FSTL5: variants seen among roughly 807,000 people sequenced by gnomAD.
FSTL5 encodes the protein follistatin like 5.
In FSTL5, 62 loss-of-function variants were observed where a neutral mutation model predicts 89.1. The observed-to-expected ratio is 0.70, with a 90% CI of 0.57 to 0.86. The LOEUF (loss-of-function observed/expected upper bound fraction) is 0.86. Among genes scored for constraint, FSTL5 ranks in the 40% least tolerant of loss-of-function variants. The pLI is 0.00. For synonymous variants in FSTL5, 383 were observed against 346.2 expected (o/e 1.11, Z -1.18); for missense variants, 1,057 against 1,001.6 (o/e 1.06, Z -0.75).
chr4:161,675,253 T>C (rs566445233), intron 6 of FSTL5, among the ~76,000 whole-genome samples: 1 of 152,148 alleles, frequency 6.6e-6, no homozygotes, highest in Non-Finnish European at 1.5e-5. Context: ...ATTCTTTCTA[T>C]AAAAATGATA....
chr4:162,146,806 A>T (rs1203032257), intron 1 of FSTL5, among the ~76,000 whole-genome samples: 17 of 139,612 alleles, frequency 1.2e-4, no homozygotes, highest in African/African-American at 4.5e-4. Flanking sequence ...TGTGTGTGTG[A>T]GATGGAGTCT....
intron 7 of FSTL5, among the ~76,000 whole-genome samples, chr4:161,620,005 A>T (rs1401081016): frequency 3.9e-5 from 6 of 152,110 alleles, no homozygotes; most frequent in Non-Finnish European, 8.8e-5. Context: ...AATACCATGC[A>T]GCCATAAAAA....
intron 6 of FSTL5, among the ~76,000 whole-genome samples, chr4:161,711,915 C>T (rs996660060): frequency 2.6e-5 from 4 of 152,124 alleles, no homozygotes; most frequent in African/African-American, 9.7e-5. Context: ...AAGCATCTGT[C>T]ATAATCCAAA....
chr4:162,115,675 A>G (rs926545664), intron 1 of FSTL5, among the ~76,000 whole-genome samples: 2 of 152,202 alleles, frequency 1.3e-5, no homozygotes, highest in African/African-American at 4.8e-5. Flanking sequence ...TGTGTATCTA[A>G]AAGTATCTGC....
intron 3 of FSTL5, among the ~76,000 whole-genome samples, chr4:162,026,114 T>G (rs972623275): frequency 4.0e-5 from 6 of 151,374 alleles, no homozygotes; most frequent in Admixed American, 4.0e-4. Flanking sequence ...GGGATTTTTG[T>G]AAGAAAAAAA....
intron 8 of FSTL5, among the ~76,000 whole-genome samples, chr4:161,544,509 G>C (rs1398394477): frequency 6.6e-6 from 1 of 151,928 alleles, no homozygotes; most frequent in East Asian, 1.9e-4. Flanking sequence ...CTGCTTAATG[G>C]ATATGAGGTT....
At chr4:161,573,264 G>T (rs1418353086) in intron 8 of FSTL5, among the ~76,000 whole-genome samples, 1 of 151,970 alleles carries the variant, frequency 6.6e-6, no homozygotes, top group Non-Finnish European at 1.5e-5. Flanking sequence ...ACAAAAATTA[G>T]CCAAGTGTGC....
chr4:161,584,152 G>A (rs1733528907), intron 8 of FSTL5, among the ~76,000 whole-genome samples: 2 of 152,082 alleles, frequency 1.3e-5, no homozygotes, highest in Admixed American at 6.5e-5. Context: ...TTGCCCTCCT[G>A]CATTGCAAGA....
intron 1 of FSTL5, among the ~76,000 whole-genome samples, chr4:162,133,967 G>T (rs1238873368): frequency 2.6e-5 from 4 of 152,140 alleles, no homozygotes; most frequent in Non-Finnish European, 5.9e-5. Flanking sequence ...CATTGGAAGG[G>T]CAATTAATCT....
At chr4:161,538,366 TACACAG>T (rs1731706596) in intron 9 of FSTL5, 66 bp from the exon 10 acceptor site, 5 of 1,553,370 alleles carry the variant, frequency 3.2e-6, no homozygotes, top group Non-Finnish European at 4.4e-6. Context: ...GCTTTCTGAT[TACACAG>T]TCAAACAGTT....
rs1440884980 is a variant in FSTL5, at chr4:161,792,335, G to A, written c.410-16261C>T. On this transcript the variant is annotated intron_variant, in intron 4 of 15. Transcript: ENST00000306100. ...GGCAACTTGGCATGGGACTCTAGGC[G>A]CCCCGCAGCATGAATAGCCTGGGTG... Among the ~76,000 whole-genome samples, 4 of 152,112 alleles carry A rather than the reference G, an allele frequency of 2.6e-5. No homozygotes were observed. The East Asian group carries it at 5.8e-4, about 22-fold the overall frequency.
At chr4:161,473,325 A>T (rs976277374) in intron 13 of FSTL5, among the ~76,000 whole-genome samples, 5 of 151,952 alleles carry the variant, frequency 3.3e-5, no homozygotes, top group African/African-American at 1.2e-4. Flanking sequence ...TTGATGATTT[A>T]GTATTAACTA....
At chr4:161,438,676 A>G (rs1732655712) in intron 15 of FSTL5, among the ~76,000 whole-genome samples, 1 of 152,204 alleles carries the variant, frequency 6.6e-6, no homozygotes, top group Non-Finnish European at 1.5e-5. Context: ...ACTAAACTAT[A>G]TCAATACTGT....
chr4:161,777,976 C>T (rs1309434228), intron 4 of FSTL5, among the ~76,000 whole-genome samples: 1 of 152,090 alleles, frequency 6.6e-6, no homozygotes, highest in Non-Finnish European at 1.5e-5. Context: ...TGCCTCTAAA[C>T]CCAGCTACTC....
chr4:161,579,920 T>C (rs1733376214), intron 8 of FSTL5, among the ~76,000 whole-genome samples: 1 of 152,090 alleles, frequency 6.6e-6, no homozygotes, highest in Non-Finnish European at 1.5e-5. Flanking sequence ...AACTTGGTTC[T>C]TTGGACTTTG....
intron 7 of FSTL5, among the ~76,000 whole-genome samples, chr4:161,644,939 T>C (rs1241616444): frequency 2.6e-5 from 4 of 152,070 alleles, no homozygotes; most frequent in African/African-American, 9.7e-5. Context: ...CAGATTAGAT[T>C]TGAGGATAAA....
intron 15 of FSTL5, among the ~76,000 whole-genome samples, chr4:161,416,625 A>G (rs994885302): frequency 6.6e-6 from 1 of 152,122 alleles, no homozygotes; most frequent in African/African-American, 2.4e-5. Flanking sequence ...TGGGGGGATC[A>G]CAAGATCAGG....
At chr4:161,459,665 A>G (rs1733491965) in intron 13 of FSTL5, among the ~76,000 whole-genome samples, 1 of 151,902 alleles carries the variant, frequency 6.6e-6, no homozygotes, top group Non-Finnish European at 1.5e-5. Context: ...CTATTTAGAA[A>G]CTCAAGATAT....
chr4:161,657,164 C>T lies in FSTL5; in HGVS notation c.728-670G>A, dbSNP rs541917210. 2.0e-3 allele frequency among the ~76,000 whole-genome samples: 299 copies of T among 152,296 alleles called. 1 individual carries two copies. Among genetic ancestry groups the T allele is most frequent in the Middle Eastern group, 0.017 (5 of 294 alleles). On this transcript the variant is annotated intron_variant, in intron 6 of 15. Coordinates refer to ENST00000306100, the MANE Select transcript of FSTL5 (RefSeq NM_020116.5). ...CACATTTCTGTCTATTGCTGGACAA[C>T]ATTATTTGAAATCTGCATATGGCTT...
Sources: allele counts gnomAD v4.1 joint callset (sites outside exome capture counted in the v4.1 genomes callset), GRCh38; gene constraint gnomAD v4.1.1; transcripts MANE v1.5; gene names NCBI Gene and HGNC (gene_info 2026-07-23, HGNC 2026-07-21).